The following SLC35F1 variants were observed in gnomAD, a reference collection of about 807,000 sequenced individuals.
The protein encoded by SLC35F1 is chromosome 6 open reading frame 169.
Under a neutral mutation model 48.7 loss-of-function variants are expected in SLC35F1, and 14 were observed. The ratio of observed to expected loss-of-function variants is 0.29; its 90% confidence interval spans 0.19 to 0.45. The LOEUF is 0.45. Among genes scored for constraint, SLC35F1 ranks in the 20% least tolerant of loss-of-function variants. SLC35F1 has a pLI of 1.00. For missense variants in SLC35F1, 404 were observed against 500.0 expected (o/e 0.81, Z 1.83); for synonymous variants, 190 against 202.2 (o/e 0.94, Z 0.51).
rs1562238480 is a variant in SLC35F1 at position 117,923,617 on chromosome 6, A to ATGTACATATATACATG, written c.173+15722_173+15723insCATATATACATGTGTA. Among the ~76,000 whole-genome samples, 3 of 22,132 alleles carry ATGTACATATATACATG rather than the reference A, an allele frequency of 1.4e-4. 1 individual carries two copies. Among genetic ancestry groups the ATGTACATATATACATG allele is most frequent in the African/African-American group, 6.1e-4 (2 of 3,280 alleles). The allele number at this position is 22,132 out of a possible 152,430, so 14.5% of individuals were successfully genotyped here. A position where few individuals can be genotyped will look rare whatever the true frequency, so the allele number is the denominator to read the frequency against. On this transcript the variant is annotated intron_variant, in intron 1 of 7. Coordinates refer to ENST00000360388, the MANE Select transcript of SLC35F1 (RefSeq NM_001029858.4). ...CATATGTGTATATATACATATACATATGTATATATACATATATGTACATAT... is the reference window on the plus strand; with the variant it reads ...CATATGTGTATATATACATATACATATGTACATATATACATGTGTATATATACATATATGTACATAT...
intron 1 of SLC35F1, among the ~76,000 whole-genome samples, chr6:117,954,896 G>A (rs1174248539): frequency 6.6e-6 from 1 of 152,106 alleles, no homozygotes; most frequent in South Asian, 2.1e-4. Context: ...ACTGTTATAT[G>A]CTCAGTATAA....
At chr6:118,113,440 C>T (rs1773436698) in intron 1 of SLC35F1, among the ~76,000 whole-genome samples, 1 of 151,948 alleles carries the variant, frequency 6.6e-6, no homozygotes, top group African/African-American at 2.4e-5. Flanking sequence ...ATAAATGTAC[C>T]ACTCTGGTGG....
At chr6:118,314,000 A>G in intron 7 of SLC35F1, 28 bp from the exon 8 acceptor site, 1 of 1,609,388 alleles carries the variant, frequency 6.2e-7, no homozygotes, top group South Asian at 1.1e-5. Flanking sequence ...CCTGGCTGTC[A>G]AATGACTTTA....
intron 1 of SLC35F1, among the ~76,000 whole-genome samples, chr6:118,079,469 T>C (rs1772873504): frequency 6.6e-6 from 1 of 152,240 alleles, no homozygotes; most frequent in South Asian, 2.1e-4. Context: ...TGAATATAGG[T>C]GCACAATTAT....
chr6:117,979,446 C>T (rs1295393404), intron 1 of SLC35F1, among the ~76,000 whole-genome samples: 5 of 152,188 alleles, frequency 3.3e-5, no homozygotes, highest in Non-Finnish European at 5.9e-5. Context: ...TTTTGCCTCA[C>T]GATGTTTTTC....
intron 1 of SLC35F1, among the ~76,000 whole-genome samples, chr6:118,041,637 T>G (rs1772222887): frequency 1.3e-5 from 2 of 152,292 alleles, no homozygotes; most frequent in South Asian, 4.1e-4. Flanking sequence ...GAGGGTGGGT[T>G]GAAGGTGCAT....
chr6:118,173,310 G>A (rs1456999868), intron 2 of SLC35F1, among the ~76,000 whole-genome samples: 2 of 150,748 alleles, frequency 1.3e-5, no homozygotes, highest in African/African-American at 4.9e-5. Context: ...TTCATTTGTA[G>A]GAGGAAAAAT....
At chr6:118,062,409 G>A (rs1027585208) in intron 1 of SLC35F1, among the ~76,000 whole-genome samples, 1 of 152,014 alleles carries the variant, frequency 6.6e-6, no homozygotes, top group Non-Finnish European at 1.5e-5. Flanking sequence ...ATAGATTTAT[G>A]GGGTACATGA....
chr6:118,159,907 T>C (rs1774204443), intron 2 of SLC35F1, among the ~76,000 whole-genome samples: 3 of 152,212 alleles, frequency 2.0e-5, no homozygotes, highest in Non-Finnish European at 4.4e-5. Flanking sequence ...TCTGAGTGTA[T>C]ATAAATCATA....
In SLC35F1 at chr6:118,111,512, C is replaced by T. The variant is rs1403146359; in HGVS notation, c.174-42933C>T. On this transcript the variant is annotated intron_variant, in intron 1 of 7. Transcript: ENST00000360388. ...ATATCCAGTGAAGTTATCTCTTGAA[C>T]GTGACAGAAACAAAGACTTTCTCAG... is the stretch of plus-strand genomic sequence containing the variant. 2.6e-5 allele frequency among the ~76,000 whole-genome samples: 4 copies of T among 152,234 alleles called. No individual in the cohort carries two copies. The East Asian group carries it at 5.8e-4, about 22-fold the overall frequency.
chr6:118,016,494 A>C (rs1777324401), intron 1 of SLC35F1, among the ~76,000 whole-genome samples: 1 of 152,352 alleles, frequency 6.6e-6, no homozygotes, highest in Non-Finnish European at 1.5e-5. Context: ...TGTCTAGTTC[A>C]TCAGCAAGGG....
chr6:118,260,964 C>T, intron 3 of SLC35F1, among the ~76,000 whole-genome samples: 1 of 152,120 alleles, frequency 6.6e-6, no homozygotes, highest in East Asian at 1.9e-4. Flanking sequence ...TTATAAAACT[C>T]TGAAGTTACT....
intron 1 of SLC35F1, among the ~76,000 whole-genome samples, chr6:118,032,420 T>C (rs1411900184): frequency 6.6e-6 from 1 of 152,210 alleles, no homozygotes. Context: ...CACTTGGGGC[T>C]AGACACATGA....
rs534144616 is a variant in SLC35F1, at chr6:117,997,806, G to T, written c.173+89907G>T. Among the ~76,000 whole-genome samples the T allele has an allele frequency of 1.6e-4, 24 of 152,258 alleles. No homozygotes were observed. The South Asian group carries it at 5.0e-3, about 32-fold the overall frequency. The stretch of plus-strand genomic sequence containing the variant: ...ACATGGAAAGGAACAACCGGTACCA[G>T]CCACTGCAAAATCATACCAAATTGT... On this transcript the variant is annotated intron_variant, in intron 1 of 7. Transcript: ENST00000360388.
At chr6:118,117,874 T>A (rs1049108716) in intron 1 of SLC35F1, among the ~76,000 whole-genome samples, 22 of 152,166 alleles carry the variant, frequency 1.4e-4, no homozygotes, top group African/African-American at 4.6e-4. Flanking sequence ...CTTAGCATAT[T>A]TTTTTGATTC....
chr6:117,991,278 G>A (rs1284063211), intron 1 of SLC35F1, among the ~76,000 whole-genome samples: 1 of 151,332 alleles, frequency 6.6e-6, no homozygotes, highest in Non-Finnish European at 1.5e-5. Flanking sequence ...TTTTAATTTT[G>A]AAGTTCTTTC....
chr6:117,993,230 C>A (rs1364846978), intron 1 of SLC35F1, among the ~76,000 whole-genome samples: 2 of 152,152 alleles, frequency 1.3e-5, no homozygotes, highest in Non-Finnish European at 2.9e-5. Flanking sequence ...GCCTGAACAG[C>A]AGCATCCTTC....
At chr6:118,096,819 AC>A (rs2114356219) in intron 1 of SLC35F1, among the ~76,000 whole-genome samples, 1 of 152,080 alleles carries the variant, frequency 6.6e-6, no homozygotes, top group African/African-American at 2.4e-5. Flanking sequence ...TTGTGGTTTC[AC>A]TCCTACCCCA....
intron 7 of SLC35F1, 129 bp downstream of exon 7, chr6:118,285,467 C>T (rs561442824): frequency 1.4e-4 from 142 of 1,031,220 alleles, no homozygotes; most frequent in Non-Finnish European, 1.7e-4. Context: ...GTGTGCTAAC[C>T]TCCATGATTT....
Sources: gnomAD v4.1 joint callset for allele counts (sites outside exome capture counted in the v4.1 genomes callset) on GRCh38, gnomAD v4.1.1 for gene constraint, MANE v1.5 for transcripts, NCBI Gene and HGNC (gene_info 2026-07-23, HGNC 2026-07-21) for gene names.